Variants in SLC38A1 observed in about 807,000 individuals in gnomAD.
SLC38A1 encodes the protein sodium-coupled neutral amino acid symporter 1.
In SLC38A1, 18 loss-of-function variants were observed where a neutral mutation model predicts 60.3. That is an observed-to-expected ratio of 0.30 (90% CI 0.21 to 0.44). SLC38A1 has a LOEUF of 0.44. Ranked by LOEUF, SLC38A1 falls within the 20% of genes least tolerant of loss-of-function variation. The probability of loss-of-function intolerance (pLI) is 1.00; values close to 1 mark genes in which losing one functional copy is unlikely to be tolerated. For missense variants in SLC38A1, 448 were observed against 587.2 expected, an observed-to-expected ratio of 0.76 and a Z score of 2.45; for synonymous variants, 196 against 212.1, an observed-to-expected ratio of 0.92 and a Z score of 0.66.
chr12:46,189,078 C>G lies in SLC38A1; in HGVS notation c.1363-7G>C. 1 of 1,612,114 alleles carries G rather than the reference C, an allele frequency of 6.2e-7. No individual in the cohort carries two copies. The highest frequency in any genetic ancestry group is 8.5e-7 in the Non-Finnish European group (1 of 1,178,750). On this transcript the variant is annotated splice_polypyrimidine_tract_variant and splice_region_variant and intron_variant, in intron 16 of 16. Transcript: ENST00000398637. ...GGCCCAAGAAAAGGGCAGCCTGGAGCAAGAGAAAGGCAAGGGTTATTTTCA... is the reference window on the plus strand; with the variant it reads ...GGCCCAAGAAAAGGGCAGCCTGGAGGAAGAGAAAGGCAAGGGTTATTTTCA...
rs1942438758 is a variant in SLC38A1 at position 46,268,521 on chromosome 12, C to T, written c.-209+5G>A. ...GCCCTCCCCGGGAACGGATAATCAC[C>T]TTACCTCCGGAAATAAAGGGAAAGG... On this transcript the variant is annotated splice_donor_5th_base_variant and intron_variant, in intron 1 of 16. Transcript: ENST00000398637. The surrounding 1 kb of genome is among the most constrained non-coding windows in gnomAD (Gnocchi z 4.4). The T allele has an allele frequency of 5.9e-6, 1 of 168,248 alleles. No homozygotes were observed. Among genetic ancestry groups the T allele is most frequent in the African/African-American group, 2.4e-5 (1 of 42,158 alleles). 10.4% of individuals were successfully genotyped at this position (168,248 alleles called of 1,614,324 possible).
At chr12:46,201,267 A>C in intron 12 of SLC38A1, 69 bp from the exon 13 acceptor site, 1 of 1,265,500 alleles carries the variant, frequency 7.9e-7, no homozygotes, top group Non-Finnish European at 1.1e-6. Context: ...TTAACATTGA[A>C]GAATACTAAT....
intron 1 of SLC38A1, among the ~76,000 whole-genome samples, chr12:46,250,070 T>C (rs778828846): frequency 3.9e-5 from 6 of 152,214 alleles, no homozygotes; most frequent in Non-Finnish European, 8.8e-5. Context: ...CTGATGAACA[T>C]TGATGTGAAA....
At chr12:46,244,796 C>G (rs1036298931) in intron 1 of SLC38A1, among the ~76,000 whole-genome samples, 2 of 152,194 alleles carry the variant, frequency 1.3e-5, no homozygotes, top group East Asian at 3.8e-4. Flanking sequence ...GCACTGAATT[C>G]CCTGTATTAA....
rs1302084844 is a variant in SLC38A1 at position 46,201,159 on chromosome 12, G to A, written c.942C>T (p.Ser314=). 6.2e-7 allele frequency: 1 copy of A among 1,613,352 alleles called. No homozygotes were observed. Among genetic ancestry groups the A allele is most frequent in the Non-Finnish European group, 8.5e-7 (1 of 1,179,704 alleles). The part of the protein sequence containing the change: ...QKKMQMVSNI[S]FFAMFVMYFL... ...AGTACATAACAAACATGGCGAAAAA[G>A]GAGATGTTTGAAACCATCTGCATTT... The change falls in exon 13 of 17, where the codon TCC becomes TCT. Residue 314 remains serine (S), a synonymous_variant. Coordinates refer to ENST00000398637, the MANE Select transcript of SLC38A1 (RefSeq NM_030674.4).
intron 8 of SLC38A1, among the ~76,000 whole-genome samples, chr12:46,206,802 A>C (rs1939924993): frequency 6.6e-6 from 1 of 152,192 alleles, no homozygotes; most frequent in Non-Finnish European, 1.5e-5. Flanking sequence ...CCCTTCTTTA[A>C]GTAAGAGGCT....
At chr12:46,209,969 G>A (rs1032053377) in intron 5 of SLC38A1, among the ~76,000 whole-genome samples, 4 of 152,078 alleles carry the variant, frequency 2.6e-5, no homozygotes, top group East Asian at 1.9e-4. Context: ...AGATGAAACC[G>A]CTCACTTCCT....
intron 9 of SLC38A1, 32 bp from the exon 10 acceptor site, chr12:46,204,622 A>AT (rs955251526): frequency 6.5e-6 from 10 of 1,534,862 alleles, no homozygotes; most frequent in South Asian, 1.2e-5. Context: ...AAATTATTTC[A>AT]TTTTTTTCCA....
At chr12:46,203,980 T>C (rs558062572) in intron 11 of SLC38A1, among the ~76,000 whole-genome samples, 1 of 152,346 alleles carries the variant, frequency 6.6e-6, no homozygotes, top group South Asian at 2.1e-4. Context: ...GCAGTATTCC[T>C]TTCTGTCATC....
intron 1 of SLC38A1, among the ~76,000 whole-genome samples, chr12:46,260,013 A>C (rs1942150299): frequency 1.3e-5 from 2 of 152,170 alleles, no homozygotes; most frequent in African/African-American, 4.8e-5. Context: ...TCTTTGCCTT[A>C]GTTTCCTCAT....
At chr12:46,252,205 G>C (rs1161490610) in intron 1 of SLC38A1, among the ~76,000 whole-genome samples, 1 of 152,078 alleles carries the variant, frequency 6.6e-6, no homozygotes, top group Admixed American at 6.5e-5. Context: ...GAATGAAGCT[G>C]GAAACCATCA....
At chr12:46,263,291 T>A (rs1261116722) in intron 1 of SLC38A1, among the ~76,000 whole-genome samples, 1 of 152,112 alleles carries the variant, frequency 6.6e-6, no homozygotes, top group Admixed American at 6.6e-5. Context: ...GTAGGTAAGA[T>A]AAATGGGCAA....
chr12:46,206,986 GC>G (rs1213253298), intron 8 of SLC38A1, among the ~76,000 whole-genome samples, 168 bp downstream of exon 8: 1 of 152,114 alleles, frequency 6.6e-6, no homozygotes, highest in Non-Finnish European at 1.5e-5. Flanking sequence ...TGGCTCTCCT[GC>G]TTTTTTCCTT....
At chr12:46,253,856 G>A (rs538945672) in intron 1 of SLC38A1, among the ~76,000 whole-genome samples, 1 of 152,120 alleles carries the variant, frequency 6.6e-6, no homozygotes, top group Non-Finnish European at 1.5e-5. Flanking sequence ...AGGGGTGATG[G>A]TATTCCTACC....
intron 1 of SLC38A1, among the ~76,000 whole-genome samples, chr12:46,255,364 T>C (rs958216771): frequency 1.3e-5 from 2 of 152,238 alleles, no homozygotes; most frequent in African/African-American, 4.8e-5. Flanking sequence ...AAACCTGTTG[T>C]GCTTTTACTC....
rs761942972 is a variant in SLC38A1 at position 46,204,608 on chromosome 12, A to C, written c.647-18T>G. ...AAGATACCCTTTAAAAAAAAGTAAAAAATAAATTATTTCATTTTTTTCCAT... is the reference window on the plus strand; with the variant it reads ...AAGATACCCTTTAAAAAAAAGTAAACAATAAATTATTTCATTTTTTTCCAT... On this transcript the variant is annotated intron_variant, in intron 9 of 16. Coordinates refer to ENST00000398637, the MANE Select transcript of SLC38A1 (RefSeq NM_030674.4). 6.4e-7 allele frequency: 1 copy of C among 1,569,926 alleles called. No homozygotes were observed. Among genetic ancestry groups the C allele is most frequent in the Non-Finnish European group, 8.6e-7 (1 of 1,159,912 alleles).
At position 46,209,099 on chromosome 12, in the gene SLC38A1, A is replaced by G; in HGVS notation, c.343T>C (p.Ser115Pro). The G allele has an allele frequency of 6.2e-7, 1 of 1,611,496 alleles. No homozygotes were observed. The highest frequency in any genetic ancestry group is 8.5e-7 in the Non-Finnish European group (1 of 1,178,168). The part of the protein sequence containing the change: ...LVLLTSVTLL[S>P]IYSINLLLIC... ...AATAGGAGGTTTATTGAATATATAG[A>G]CAGCAATGTCACTGAAGTCAAAAGT... is the stretch of plus-strand genomic sequence containing the variant. The change falls in exon 6 of 17, where the codon TCT becomes CCT. Residue 115 changes from serine to proline, a missense_variant. Physicochemically the swap from Ser to Pro is moderately conservative, Grantham distance 74. Around this residue, in one of 2 missense-constraint regions of SLC38A1, gnomAD observed 346 missense variants for 497.5 expected, o/e 0.70. Transcript: ENST00000398637.
intron 1 of SLC38A1, chr12:46,255,010 G>A (rs553699728): frequency 3.9e-5 from 6 of 152,072 alleles, no homozygotes; most frequent in African/African-American, 7.2e-5. Flanking sequence ...CCATTGTTTC[G>A]GTTAATTTAG....
chr12:46,199,132 G>T (rs553657561), intron 13 of SLC38A1, among the ~76,000 whole-genome samples: 1 of 152,102 alleles, frequency 6.6e-6, no homozygotes, highest in South Asian at 2.1e-4. Context: ...GGAGGGGGTG[G>T]GGTGGGGAGA....
Sources: gnomAD v4.1 joint callset for allele counts (sites outside exome capture counted in the v4.1 genomes callset) on GRCh38, gnomAD v4.1.1 for gene constraint, gnomAD v4.1.1 regional missense constraint, Gnocchi (gnomAD v3.1) non-coding constraint, MANE v1.5 for transcripts, NCBI Gene and HGNC (gene_info 2026-07-23, HGNC 2026-07-21) for gene names.